ADAMTSL3: variants seen among roughly 807,000 people sequenced by gnomAD.
ADAMTSL3 encodes the protein ADAMTS like 3, also known as ADAMTS-like protein 3.
ADAMTSL3 carries 128 observed loss-of-function variants against 201.7 expected under a neutral mutation model. The ratio of observed to expected loss-of-function variants is 0.63; its 90% confidence interval spans 0.55 to 0.73. ADAMTSL3 has a LOEUF of 0.73. ADAMTSL3 is among the 30% of genes least tolerant of loss of function. The pLI, the probability that ADAMTSL3 is intolerant of heterozygous loss-of-function variation, is 0.00. For synonymous variants in ADAMTSL3, 738 were observed against 748.4 expected, an observed-to-expected ratio of 0.99 and a Z score of 0.23; for missense variants, 1,990 against 2,119.6, an observed-to-expected ratio of 0.94 and a Z score of 1.20.
chr15:84,008,738 A>G (rs1292838089), intron 23 of ADAMTSL3, among the ~76,000 whole-genome samples: 1 of 152,146 alleles, frequency 6.6e-6, no homozygotes, highest in Non-Finnish European at 1.5e-5. Context: ...ACATGTCCAC[A>G]TGCCTGCTCA....
chr15:83,924,871 C>T (rs981686055), intron 17 of ADAMTSL3, among the ~76,000 whole-genome samples: 2 of 152,282 alleles, frequency 1.3e-5, no homozygotes, highest in African/African-American at 4.8e-5. Context: ...CCAGTAACCT[C>T]CTGCCTCTCC....
chr15:83,881,422 G>A (rs377180173), intron 9 of ADAMTSL3, among the ~76,000 whole-genome samples: 1 of 152,182 alleles, frequency 6.6e-6, no homozygotes, highest in East Asian at 1.9e-4. Context: ...TTGCAGACTG[G>A]AAAATGCCTT....
chr15:83,766,475 G>C (rs1232800379), intron 3 of ADAMTSL3, among the ~76,000 whole-genome samples: 2 of 152,178 alleles, frequency 1.3e-5, no homozygotes, highest in Non-Finnish European at 1.5e-5. Context: ...TTGCAATATA[G>C]AGGGGGAAAA....
chr15:84,001,918 C>T (rs1221813675), intron 23 of ADAMTSL3, among the ~76,000 whole-genome samples: 1 of 152,224 alleles, frequency 6.6e-6, no homozygotes, highest in Non-Finnish European at 1.5e-5. Flanking sequence ...AAATTATGCA[C>T]TGTCTGGTAG....
chr15:83,815,384 T>C (rs76849201), intron 5 of ADAMTSL3, among the ~76,000 whole-genome samples: 2 of 152,220 alleles, frequency 1.3e-5, no homozygotes, highest in African/African-American at 2.4e-5. Context: ...AACAAGCTCA[T>C]TGAATGACAG....
intron 5 of ADAMTSL3, among the ~76,000 whole-genome samples, chr15:83,819,263 CAAAAA>C (rs397932701): frequency 2.6e-5 from 2 of 76,498 alleles, no homozygotes; most frequent in Non-Finnish European, 2.5e-5. Flanking sequence ...CACTCCGTCT[CAAAAA>C]AAAAAAAAAA....
chr15:83,798,889 G>C (rs955648775), intron 4 of ADAMTSL3, among the ~76,000 whole-genome samples: 1 of 151,582 alleles, frequency 6.6e-6, no homozygotes, highest in Non-Finnish European at 1.5e-5. Flanking sequence ...CAAAAGCATG[G>C]TAGCAGGTTC....
intron 6 of ADAMTSL3, among the ~76,000 whole-genome samples, chr15:83,822,378 G>A (rs2063895811): frequency 6.7e-6 from 1 of 149,546 alleles, no homozygotes; most frequent in Non-Finnish European, 1.5e-5. Flanking sequence ...GCCGGGCGGA[G>A]GGTCTCCTCA....
At chr15:83,823,868 A>C (rs1032349475) in intron 6 of ADAMTSL3, among the ~76,000 whole-genome samples, 1 of 151,008 alleles carries the variant, frequency 6.6e-6, no homozygotes, top group African/African-American at 2.4e-5. Flanking sequence ...CTTTTAAAAC[A>C]GACTCCATTT....
chr15:84,029,016 T>C (rs1216654399), intron 27 of ADAMTSL3, among the ~76,000 whole-genome samples: 1 of 152,218 alleles, frequency 6.6e-6, no homozygotes, highest in East Asian at 1.9e-4. Context: ...CATGCAGATA[T>C]GTGAGTCAAT....
At chr15:83,775,622 A>G (rs2063059716) in intron 4 of ADAMTSL3, among the ~76,000 whole-genome samples, 1 of 152,034 alleles carries the variant, frequency 6.6e-6, no homozygotes, top group Non-Finnish European at 1.5e-5. Flanking sequence ...GCAAAAGGAG[A>G]GGAAAGGGAG....
chr15:83,982,102 C>A (rs2067393831), intron 20 of ADAMTSL3, among the ~76,000 whole-genome samples, 171 bp from the exon 21 acceptor site: 1 of 152,120 alleles, frequency 6.6e-6, no homozygotes, highest in Admixed American at 6.5e-5. Flanking sequence ...GAAATTTACC[C>A]CAATCTGTGG....
intron 6 of ADAMTSL3, among the ~76,000 whole-genome samples, chr15:83,820,753 C>G (rs146924338): frequency 6.6e-6 from 1 of 152,046 alleles, no homozygotes; most frequent in Non-Finnish European, 1.5e-5. Context: ...AGACATAAAC[C>G]CCAGTGGCTT....
intron 9 of ADAMTSL3, among the ~76,000 whole-genome samples, chr15:83,874,391 T>C (rs1381497906): frequency 2.1e-5 from 3 of 144,812 alleles, no homozygotes; most frequent in South Asian, 4.3e-4. Context: ...TAGTCACAGG[T>C]TGAGTCTCCC....
chr15:83,871,933 G>A (rs1181040366), intron 9 of ADAMTSL3, among the ~76,000 whole-genome samples: 1 of 152,120 alleles, frequency 6.6e-6, no homozygotes, highest in Non-Finnish European at 1.5e-5. Context: ...AAAGCTGTCT[G>A]TGTTCTACAT....
At chr15:83,947,938 C>T (rs1284003334) in intron 19 of ADAMTSL3, among the ~76,000 whole-genome samples, 1 of 152,170 alleles carries the variant, frequency 6.6e-6, no homozygotes, top group African/African-American at 2.4e-5. Context: ...CAGTTCTCCC[C>T]ACTTCCTGTC....
intron 4 of ADAMTSL3, among the ~76,000 whole-genome samples, chr15:83,798,722 G>A (rs987207250): frequency 1.3e-5 from 2 of 149,006 alleles, no homozygotes; most frequent in African/African-American, 2.5e-5. Flanking sequence ...CAGGGGAATC[G>A]CTTGAAACTG....
chr15:83,836,846 A>G (rs1040446951), intron 6 of ADAMTSL3, among the ~76,000 whole-genome samples: 1 of 152,202 alleles, frequency 6.6e-6, no homozygotes, highest in African/African-American at 2.4e-5. Flanking sequence ...GAGTGGATCC[A>G]GGTTTGTACG....
intron 3 of ADAMTSL3, among the ~76,000 whole-genome samples, chr15:83,756,009 C>T (rs974077488): frequency 6.6e-5 from 10 of 152,182 alleles, no homozygotes; most frequent in African/African-American, 2.4e-4. Context: ...GATTCACCTG[C>T]CTTGGCCTCC....
Sources: gnomAD v4.1 joint callset for allele counts (sites outside exome capture counted in the v4.1 genomes callset) on GRCh38, gnomAD v4.1.1 for gene constraint, MANE v1.5 for transcripts, NCBI Gene and HGNC (gene_info 2026-07-23, HGNC 2026-07-21) for gene names.